Variants in MEGF11 observed in about 807,000 individuals in gnomAD.
The protein encoded by MEGF11 is multiple EGF like domains 11.
In MEGF11, 126 loss-of-function variants were observed where a neutral mutation model predicts 146.6. The observed-to-expected ratio is 0.86, with a 90% CI of 0.74 to 1.00. The LOEUF (loss-of-function observed/expected upper bound fraction) is 1.00, where lower values mean the gene tolerates loss of function less well. Ranked by LOEUF, MEGF11 falls within the 50% of genes least tolerant of loss-of-function variation. MEGF11 has a pLI of 0.00. For synonymous variants in MEGF11, 532 were observed against 583.4 expected, an observed-to-expected ratio of 0.91 and a Z score of 1.27; for missense variants, 1,509 against 1,521.2, an observed-to-expected ratio of 0.99 and a Z score of 0.13.
intron 1 of MEGF11, among the ~76,000 whole-genome samples, chr15:66,250,460 A>G (rs1308027811): frequency 1.3e-5 from 2 of 152,196 alleles, no homozygotes; most frequent in Non-Finnish European, 2.9e-5. Context: ...CAGCATCACA[A>G]GGTATGGGAC....
intron 13 of MEGF11, among the ~76,000 whole-genome samples, chr15:65,924,482 A>G (rs1156643675): frequency 1.3e-5 from 2 of 152,258 alleles, no homozygotes; most frequent in East Asian, 1.9e-4. Flanking sequence ...CAGGTGCCCA[A>G]GAGGTGAACC....
chr15:66,076,754 T>A (rs2085605234), intron 5 of MEGF11, among the ~76,000 whole-genome samples: 1 of 152,140 alleles, frequency 6.6e-6, no homozygotes, highest in South Asian at 2.1e-4. Flanking sequence ...CCTCTGTGGG[T>A]CATCTTCTGC....
At chr15:66,174,133 C>T (rs1027638173) in intron 1 of MEGF11, among the ~76,000 whole-genome samples, 2 of 152,178 alleles carry the variant, frequency 1.3e-5, no homozygotes, top group Admixed American at 6.5e-5. Context: ...TGAGAACCCA[C>T]GAAAACTGCC....
At chr15:66,250,627 G>A (rs1597176769) in intron 1 of MEGF11, among the ~76,000 whole-genome samples, 1 of 152,242 alleles carries the variant, frequency 6.6e-6, no homozygotes, top group African/African-American at 2.4e-5. Flanking sequence ...AGGCAAAAGG[G>A]CTGGGTGCGG....
At chr15:66,219,308 A>T (rs1034799254) in intron 1 of MEGF11, among the ~76,000 whole-genome samples, 2 of 152,228 alleles carry the variant, frequency 1.3e-5, no homozygotes, top group South Asian at 4.1e-4. Flanking sequence ...CACATCACAT[A>T]GCCAACAAAG....
intron 2 of MEGF11, among the ~76,000 whole-genome samples, chr15:66,127,836 G>A (rs7179044): frequency 0.57 from 86,059 of 151,854 alleles, 24,593 homozygotes; most frequent in South Asian, 0.68. Context: ...TGGAAGTAGT[G>A]GGACCCCCTC....
At chr15:66,065,391 T>C (rs1426415830) in intron 5 of MEGF11, among the ~76,000 whole-genome samples, 1 of 152,100 alleles carries the variant, frequency 6.6e-6, no homozygotes, top group Non-Finnish European at 1.5e-5. Flanking sequence ...AAACCTCCTG[T>C]GGCCAAGTTA....
chr15:66,013,652 A>G (rs934573973), intron 5 of MEGF11, among the ~76,000 whole-genome samples: 1 of 152,172 alleles, frequency 6.6e-6, no homozygotes, highest in Non-Finnish European at 1.5e-5. Context: ...TCCAACACCC[A>G]TCATGATTCT....
chr15:65,909,195 A>G lies in MEGF11; in HGVS notation c.2897-60T>C, dbSNP rs12439404. ...CCCAGGGCCCTGGTATAGCAGGGGA[A>G]GGGGGTAGGAAGTACACAAGTGGGC... is the stretch of plus-strand genomic sequence containing the variant. On this transcript the variant is annotated intron_variant, in intron 22 of 25. Transcript: ENST00000395614. 0.011 allele frequency: 13,216 copies of G among 1,216,618 alleles called. 973 individuals are homozygous for G. The Admixed American group carries it at 0.17, about 16-fold the overall frequency. 75.4% of individuals were successfully genotyped at this position (1,216,618 alleles called of 1,614,324 possible).
intron 1 of MEGF11, among the ~76,000 whole-genome samples, chr15:66,183,605 G>T (rs1484485471): frequency 6.6e-6 from 1 of 151,732 alleles, no homozygotes; most frequent in Admixed American, 6.6e-5. Context: ...AGCTGTTCAT[G>T]ACAATGAGTT....
At chr15:65,900,352 G>A (rs1033294502) in intron 24 of MEGF11, among the ~76,000 whole-genome samples, 2 of 152,234 alleles carry the variant, frequency 1.3e-5, no homozygotes, top group South Asian at 2.1e-4. Context: ...CTCAATGGAT[G>A]TCTTAGATGT....
intron 1 of MEGF11, among the ~76,000 whole-genome samples, chr15:66,205,542 A>G: frequency 6.6e-6 from 1 of 152,196 alleles, no homozygotes; most frequent in East Asian, 1.9e-4. Flanking sequence ...TGTCTTCTCA[A>G]GGTTGTACAA....
chr15:66,144,196 C>T (rs1463927981), intron 1 of MEGF11, among the ~76,000 whole-genome samples: 1 of 152,190 alleles, frequency 6.6e-6, no homozygotes, highest in African/African-American at 2.4e-5. Context: ...GCTGTGACCT[C>T]ATTCCCAGCC....
intron 5 of MEGF11, among the ~76,000 whole-genome samples, chr15:66,042,521 TG>T (rs556063676): frequency 5.7e-4 from 87 of 152,224 alleles, no homozygotes; most frequent in African/African-American, 2.0e-3. Flanking sequence ...CTCAGAGCAC[TG>T]GGGGGGAACA....
At chr15:65,956,438 A>G (rs1283813025) in intron 10 of MEGF11, among the ~76,000 whole-genome samples, 1 of 152,222 alleles carries the variant, frequency 6.6e-6, no homozygotes, top group African/African-American at 2.4e-5. Flanking sequence ...CAACCTTGCG[A>G]GGCAGGTGTT....
Position 65,970,610 on chromosome 15 carries a change from C to T in MEGF11, c.842G>A (p.Gly281Glu). The change falls in exon 8 of 26, where the codon GGG becomes GAG. Residue 281 changes from glycine (G) to glutamate (E), a missense_variant. By Grantham distance (98) the Gly-to-Glu change is moderately conservative (BLOSUM62 -2). Coordinates refer to ENST00000395614, the MANE Select transcript of MEGF11 (RefSeq NM_001385028.1). ...CSQDCPCHHGGQCDHVTGQCH... is the reference protein window; with the variant it reads ...CSQDCPCHHGEQCDHVTGQCH... ...CTGTCCAGTCACGTGGTCACACTGC[C>T]CTCCATGGTGGCAAGGACAATCCTG... 6.2e-7 allele frequency: 1 copy of T among 1,613,964 alleles called. No individual in the cohort carries two copies. The highest frequency in any genetic ancestry group is 8.5e-7 in the Non-Finnish European group (1 of 1,179,866).
rs766619110 is a variant in MEGF11, at chr15:65,922,419, C to T, written c.1876G>A (p.Val626Met). ...HGCAQPCPLC[V>M]HSSRPCHHIS... ...TGGTGGCAGGGCCTGCTGCTGTGCA[C>T]GCAGAGGGGGCATGGCTGGGCGCAG... Residue 626 changes from valine to methionine, a missense_variant, in exon 15 of 26, where the codon GTG (valine) becomes ATG (methionine). Val to Met is a conservative substitution (Grantham distance 21). Coordinates refer to ENST00000395614, the MANE Select transcript of MEGF11 (RefSeq NM_001385028.1). 18 of 1,592,106 alleles carry T rather than the reference C, an allele frequency of 1.1e-5. 1 individual carries two copies. The Middle Eastern group carries it at 5.0e-4, about 44-fold the overall frequency.
chr15:66,075,535 T>C (rs2085539153), intron 5 of MEGF11, among the ~76,000 whole-genome samples: 1 of 152,202 alleles, frequency 6.6e-6, no homozygotes, highest in Non-Finnish European at 1.5e-5. Context: ...GCCCCAAGCC[T>C]CTCGACTCTC....
At chr15:66,048,128 T>G (rs1347028824) in intron 5 of MEGF11, among the ~76,000 whole-genome samples, 1 of 152,160 alleles carries the variant, frequency 6.6e-6, no homozygotes. Flanking sequence ...GTATTTTTAG[T>G]AGAGGCAGGG....
Sources: allele counts gnomAD v4.1 joint callset (sites outside exome capture counted in the v4.1 genomes callset), GRCh38; gene constraint gnomAD v4.1.1; transcripts MANE v1.5; gene names NCBI Gene and HGNC (gene_info 2026-07-23, HGNC 2026-07-21).